The following GPR78 variants were observed in gnomAD, a reference collection of about 807,000 sequenced individuals.
GPR78 encodes G protein-coupled receptor 78.
A neutral mutation model predicts 17.9 loss-of-function variants in GPR78; 29 were observed. The ratio of observed to expected loss-of-function variants is 1.62; its 90% CI spans 1.20 to 2.21. GPR78 has a LOEUF of 2.21. Among genes scored for constraint, GPR78 ranks in the 30% most tolerant of loss-of-function variants. The pLI is 0.00. For missense variants in GPR78, 649 were observed against 530.5 expected (o/e 1.22, Z -2.19); for synonymous variants, 349 against 256.9 (o/e 1.36, Z -3.43).
chr4:8,584,548 G>A lies in GPR78; in HGVS notation c.782+1904G>A, dbSNP rs115866822. 4.3e-3 allele frequency among the ~76,000 whole-genome samples: 648 copies of A among 152,316 alleles called. 5 individuals carry two copies. The highest frequency in any genetic ancestry group is 0.015 in the African/African-American group (622 of 41,560). On this transcript the variant is annotated intron_variant, in intron 2 of 2. Coordinates refer to ENST00000382487, the MANE Select transcript of GPR78 (RefSeq NM_080819.5). ...TGTGCCTGGTCATGCAGTTACAAAA[G>A]CAAATGGAACACAGGCTCCTCTCGG...
chr4:8,589,773 G>T lies in GPR78; in HGVS notation c.*2410G>T, dbSNP rs1035769533. On this transcript the variant is annotated 3_prime_UTR_variant, in exon 3 of 3. Coordinates refer to ENST00000382487, the MANE Select transcript of GPR78 (RefSeq NM_080819.5). ...ACACTGTTTCTTAGAGACGGGGACT[G>T]CTTGCTGTCATGTTTCGCCTTCCTC... Among the ~76,000 whole-genome samples the T allele has an allele frequency of 1.3e-5, 2 of 152,242 alleles. No homozygotes were observed. Among genetic ancestry groups the T allele is most frequent in the African/African-American group, 4.8e-5 (2 of 41,476 alleles).
In GPR78 at chr4:8,588,592, G is replaced by A. The variant is rs1272771629; in HGVS notation, c.*1229G>A. Reference sequence around the variant, plus strand: ...TCAAGGCCCAGGGCCATCCCCTGCAGAGGTAGGGTGGGCTGCAAGACCTCA... The same window carrying A: ...TCAAGGCCCAGGGCCATCCCCTGCAAAGGTAGGGTGGGCTGCAAGACCTCA... On this transcript the variant is annotated 3_prime_UTR_variant, in exon 3 of 3. Transcript: ENST00000382487. Among the ~76,000 whole-genome samples, 1 of 152,214 alleles carries A rather than the reference G, an allele frequency of 6.6e-6. No homozygotes were observed. The highest frequency in any genetic ancestry group is 1.5e-5 in the Non-Finnish European group (1 of 68,038).
Position 8,581,547 on chromosome 4 carries a change from T to A in GPR78, c.565T>A (p.Cys189Ser), listed in dbSNP as rs780772782. 5 of 1,586,172 alleles carry A rather than the reference T, an allele frequency of 3.2e-6. No homozygotes were observed. The highest frequency in any genetic ancestry group is 3.4e-5 in the Admixed American group (2 of 58,878). ...CTTCGTGCTGCCGCTGGCGGTGCTCTGCCTCACCTCGCTCCAGGTGCACCG... is the reference window on the plus strand; with the variant it reads ...CTTCGTGCTGCCGCTGGCGGTGCTCAGCCTCACCTCGCTCCAGGTGCACCG... ...VGFVLPLAVL[C>S]LTSLQVHRVA... The change falls in exon 1 of 3, where the codon TGC (cysteine) becomes AGC (serine). Residue 189 changes from cysteine (C) to serine (S), a missense_variant. Coordinates refer to ENST00000382487, the MANE Select transcript of GPR78 (RefSeq NM_080819.5).
In GPR78 at chr4:8,580,762, C is replaced by T. The variant is rs185506069; in HGVS notation, c.-221C>T. 115 of 572,926 alleles carry T rather than the reference C, an allele frequency of 2.0e-4. 1 individual carries two copies. The East Asian group carries it at 3.1e-3, about 16-fold the overall frequency. 35.5% of individuals were successfully genotyped at this position (572,926 alleles called of 1,614,324 possible). The stretch of plus-strand genomic sequence containing the variant: ...GGTTGCGCTGCCTCCAGGGCGGCCC[C>T]GGGCTGCTCCTGCTCCGCAGAGCTA... On this transcript the variant is annotated 5_prime_UTR_variant, in exon 1 of 3. Coordinates refer to ENST00000382487, the MANE Select transcript of GPR78 (RefSeq NM_080819.5).
intron 1 of GPR78, among the ~76,000 whole-genome samples, chr4:8,581,851 T>C (rs182027702): frequency 1.6e-5 from 2 of 121,440 alleles, no homozygotes; most frequent in African/African-American, 5.4e-5. Context: ...CCTCCTGGGA[T>C]ATGTGCTCAG....
In GPR78 at chr4:8,582,605, C is replaced by T. The variant is rs189070828; in HGVS notation, c.743C>T (p.Ala248Val). ...RATRKIGIAIATFLICFAPYV... is the reference protein window; with the variant it reads ...RATRKIGIAIVTFLICFAPYV... ...ACCAGGAAGATTGGCATTGCTATTGCGACCTTCCTCATCTGCTTTGCCCCG... is the reference window on the plus strand; with the variant it reads ...ACCAGGAAGATTGGCATTGCTATTGTGACCTTCCTCATCTGCTTTGCCCCG... Residue 248 changes from alanine to valine, a missense_variant, in exon 2 of 3, where the codon GCG (alanine) becomes GTG (valine). Ala to Val is a moderately conservative substitution (Grantham distance 64). Transcript: ENST00000382487. 420 of 1,613,326 alleles carry T rather than the reference C, an allele frequency of 2.6e-4. 1 individual carries two copies. The East Asian group carries it at 7.4e-3, about 29-fold the overall frequency.
chr4:8,584,776 G>A (rs1192194040), intron 2 of GPR78, among the ~76,000 whole-genome samples: 2 of 152,192 alleles, frequency 1.3e-5, no homozygotes, highest in African/African-American at 2.4e-5. Flanking sequence ...GCAGTTGGTG[G>A]CTTAACCCAC....
chr4:8,588,092 G>A lies in GPR78; in HGVS notation c.*729G>A, dbSNP rs1359183904. Among the ~76,000 whole-genome samples the A allele has an allele frequency of 2.0e-5, 3 of 152,206 alleles. No individual in the cohort carries two copies. ...TGACTGCGGAAGCTGTGGAGTCTGTGTGCTCAGAGCCTTTTCTGGTGAAGA... is the reference window on the plus strand; with the variant it reads ...TGACTGCGGAAGCTGTGGAGTCTGTATGCTCAGAGCCTTTTCTGGTGAAGA... On this transcript the variant is annotated 3_prime_UTR_variant, in exon 3 of 3. Coordinates refer to ENST00000382487, the MANE Select transcript of GPR78 (RefSeq NM_080819.5).
rs1713646763 is a variant in GPR78, at chr4:8,589,251, A to C, written c.*1888A>C. 6.7e-6 allele frequency among the ~76,000 whole-genome samples: 1 copy of C among 149,820 alleles called. No individual in the cohort carries two copies. Among genetic ancestry groups the C allele is most frequent in the South Asian group, 2.1e-4 (1 of 4,680 alleles). ...AAGGTGTGTATAACCCATGAAGTGT[A>C]ATTCAAATAAAACAAATTATCGTTT... On this transcript the variant is annotated 3_prime_UTR_variant, in exon 3 of 3. Coordinates refer to ENST00000382487, the MANE Select transcript of GPR78 (RefSeq NM_080819.5).
chr4:8,582,555 G>A lies in GPR78; in HGVS notation c.693G>A (p.Gln231=). The A allele has an allele frequency of 6.2e-7, 1 of 1,610,218 alleles. No individual in the cohort carries two copies. The highest frequency in any genetic ancestry group is 8.5e-7 in the Non-Finnish European group (1 of 1,179,616). The change falls in exon 2 of 3, where the codon CAG becomes CAA. Residue 231 remains glutamine (Q), a synonymous_variant. Transcript: ENST00000382487. ...GTGTGCGGCAGCGCTGCCTCATCCAGCAGAAGCGGCGCCGCCACCGCGCCA... is the reference window on the plus strand; with the variant it reads ...GTGTGCGGCAGCGCTGCCTCATCCAACAGAAGCGGCGCCGCCACCGCGCCA... ...HPSVRQRCLI[Q]QKRRRHRATR...
At chr4:8,581,904 G>T (rs749494179) in intron 1 of GPR78, among the ~76,000 whole-genome samples, 2 of 152,174 alleles carry the variant, frequency 1.3e-5, no homozygotes. Flanking sequence ...GTGCTTCTCC[G>T]GGAGGGGTTC....
intron 2 of GPR78, 110 bp downstream of exon 2, chr4:8,582,754 C>A: frequency 1.3e-6 from 1 of 747,330 alleles, no homozygotes; most frequent in Non-Finnish European, 2.4e-6. Flanking sequence ...CGGCCACCAC[C>A]AGAGGACCCT....
chr4:8,588,367 T>A lies in GPR78; in HGVS notation c.*1004T>A, dbSNP rs1375188218. Among the ~76,000 whole-genome samples, 1 of 152,188 alleles carries A rather than the reference T, an allele frequency of 6.6e-6. No individual in the cohort carries two copies. Among genetic ancestry groups the A allele is most frequent in the Non-Finnish European group, 1.5e-5 (1 of 68,008 alleles). On this transcript the variant is annotated 3_prime_UTR_variant, in exon 3 of 3. Transcript: ENST00000382487. ...GTAATCACGGGGTGCCATTCCCCGG[T>A]GGGAGCACCCACCATCAATGTCATT...
chr4:8,581,183 G>T lies in GPR78; in HGVS notation c.201G>T (p.Val67=), dbSNP rs111889603. The part of the protein sequence containing the change: ...ALDMPFTLLG[V]MRGRTPSAPG... ...ACATGCCCTTCACGCTGCTCGGTGT[G>T]ATGCGCGGGCGGACACCGTCGGCGC... The change falls in exon 1 of 3, where the codon GTG becomes GTT. Residue 67 remains valine, a synonymous_variant. Coordinates refer to ENST00000382487, the MANE Select transcript of GPR78 (RefSeq NM_080819.5). The T allele has an allele frequency of 8.1e-6, 13 of 1,602,948 alleles. No individual in the cohort carries two copies. Among genetic ancestry groups the T allele is most frequent in the African/African-American group, 5.3e-5 (4 of 75,030 alleles).
rs758030800 is a variant in GPR78 at position 8,581,615 on chromosome 4, G to A, written c.633G>A (p.Met211Ile). Residue 211 changes from methionine (M) to isoleucine (I), a missense_variant, in exon 1 of 3, where the codon ATG becomes ATA. Met to Ile is a conservative substitution (Grantham distance 10, BLOSUM62 1). Coordinates refer to ENST00000382487, the MANE Select transcript of GPR78 (RefSeq NM_080819.5). Reference sequence around the variant, plus strand: ...GCCAGCGCATGGACACCGTCACCATGAAGGCGCTCGCGCTGCTCGCCGACC... The same window carrying A: ...GCCAGCGCATGGACACCGTCACCATAAAGGCGCTCGCGCTGCTCGCCGACC... ...RHCQRMDTVTMKALALLADLH... is the reference protein window; with the variant it reads ...RHCQRMDTVTIKALALLADLH... The A allele has an allele frequency of 3.3e-6, 5 of 1,523,428 alleles. No individual in the cohort carries two copies. The highest frequency in any genetic ancestry group is 3.9e-5 in the Admixed American group (2 of 50,762). 94.4% of individuals were successfully genotyped at this position (1,523,428 alleles called of 1,614,324 possible). A position where few individuals can be genotyped will look rare whatever the true frequency, so the allele number is the denominator to read the frequency against.
Position 8,587,067 on chromosome 4 carries a change from G to T in GPR78, c.796G>T (p.Val266Leu), listed in dbSNP as rs137974329. Residue 266 changes from valine (V) to leucine (L), a missense_variant, in exon 3 of 3, where the codon GTG (valine) becomes TTG (leucine). Physicochemically the swap from Val to Leu is conservative, Grantham distance 32. Coordinates refer to ENST00000382487, the MANE Select transcript of GPR78 (RefSeq NM_080819.5). ...PYVMTRLAEL[V>L]PFVTVNAQWG... is the part of the protein sequence containing the mutation. The stretch of plus-strand genomic sequence containing the variant: ...CTTCCCCAACAGGCTGGCGGAGCTC[G>T]TGCCCTTCGTCACCGTGAACGCCCA... The T allele has an allele frequency of 1.2e-5, 20 of 1,611,288 alleles. No individual in the cohort carries two copies. The highest frequency in any genetic ancestry group is 1.7e-5 in the Non-Finnish European group (20 of 1,178,692).
At position 8,581,211 on chromosome 4, in the gene GPR78, G is replaced by A. The variant is rs748644992; in HGVS notation, c.229G>A (p.Gly77Ser). 6.3e-6 allele frequency: 10 copies of A among 1,598,914 alleles called. No homozygotes were observed. The highest frequency in any genetic ancestry group is 4.5e-5 in the East Asian group (2 of 44,748). The change falls in exon 1 of 3, where the codon GGC becomes AGC. Residue 77 changes from glycine (G) to serine (S), a missense_variant. Gly to Ser is a moderately conservative substitution (Grantham distance 56). Transcript: ENST00000382487. ...VMRGRTPSAPGACQVIGFLDT... is the reference protein window; with the variant it reads ...VMRGRTPSAPSACQVIGFLDT... Reference sequence around the variant, plus strand: ...GCGCGGGCGGACACCGTCGGCGCCCGGCGCATGCCAAGTCATTGGCTTCCT... The same window carrying A: ...GCGCGGGCGGACACCGTCGGCGCCCAGCGCATGCCAAGTCATTGGCTTCCT...
chr4:8,587,364 G>A lies in GPR78; in HGVS notation c.*1G>A, dbSNP rs1033915679. 6.2e-7 allele frequency: 1 copy of A among 1,609,102 alleles called. No individual in the cohort carries two copies. Among genetic ancestry groups the A allele is most frequent in the Non-Finnish European group, 8.5e-7 (1 of 1,177,044 alleles). On this transcript the variant is annotated 3_prime_UTR_variant, in exon 3 of 3. Coordinates refer to ENST00000382487, the MANE Select transcript of GPR78 (RefSeq NM_080819.5). ...TTCCTGCCTGCAGCAGACACACTGA[G>A]GGCCTGGCAGGGCTCATCGCCCCCA...
At position 8,582,469 on chromosome 4, in the gene GPR78, T is replaced by A. The variant is rs542455475; in HGVS notation, c.669-62T>A. The A allele has an allele frequency of 4.3e-6, 5 of 1,150,646 alleles. No homozygotes were observed. In the East Asian group the frequency reaches 9.4e-5, roughly 22 times the overall value. The allele number at this position is 1,150,646 out of a possible 1,614,324, so 71.3% of individuals were successfully genotyped here. On this transcript the variant is annotated intron_variant, in intron 1 of 2. Coordinates refer to ENST00000382487, the MANE Select transcript of GPR78 (RefSeq NM_080819.5). ...TCTGCCCTCACTTCAGCCCCTGGGC[T>A]CTGGGCCTGGGTTCTGTCCCCACCC...
Sources: allele counts gnomAD v4.1 joint callset (sites outside exome capture counted in the v4.1 genomes callset), GRCh38; gene constraint gnomAD v4.1.1; transcripts MANE v1.5; gene names NCBI Gene and HGNC (gene_info 2026-07-23, HGNC 2026-07-21).